Variants in VSNL1 observed in about 807,000 individuals in gnomAD.
The protein encoded by VSNL1 is visinin like 1.
Under a neutral mutation model 20.4 loss-of-function variants are expected in VSNL1, and 6 were observed. The observed-to-expected ratio is 0.29, with a 90% CI of 0.16 to 0.58. The LOEUF (loss-of-function observed/expected upper bound fraction) is 0.58. Among genes scored for constraint, VSNL1 ranks in the 20% least tolerant of loss-of-function variants. The pLI, the probability that VSNL1 is intolerant of heterozygous loss-of-function variation, is 0.90. For synonymous variants in VSNL1, 93 were observed against 86.4 expected, an observed-to-expected ratio of 1.08 and a Z score of -0.42; for missense variants, 100 against 234.5, an observed-to-expected ratio of 0.43 and a Z score of 3.75.
chr2:17,592,582 T>C (rs187058974), intron 2 of VSNL1, among the ~76,000 whole-genome samples: 4 of 150,538 alleles, frequency 2.7e-5, no homozygotes, highest in Non-Finnish European at 5.9e-5. Flanking sequence ...GTTAAAGGTA[T>C]ATGTACTTCT....
At position 17,606,309 on chromosome 2, in the gene VSNL1, G is replaced by A. The variant is rs148975198; in HGVS notation, c.162+14073G>A. ...ATGAAATGCAGAGAAGTGAAGAGTCGGGGGCTGGAGTCAGACAGAAATGAG... is the reference window on the plus strand; with the variant it reads ...ATGAAATGCAGAGAAGTGAAGAGTCAGGGGCTGGAGTCAGACAGAAATGAG... On this transcript the variant is annotated intron_variant, in intron 2 of 3. Coordinates refer to ENST00000295156, the MANE Select transcript of VSNL1 (RefSeq NM_003385.5). Among the ~76,000 whole-genome samples the A allele has an allele frequency of 3.1e-4, 28 of 90,510 alleles. 1 individual carries two copies. The South Asian group carries it at 0.014, about 46-fold the overall frequency. The allele number at this position is 90,510 out of a possible 152,430, so 59.4% of individuals were successfully genotyped here. A position where few individuals can be genotyped will look rare whatever the true frequency, so the allele number is the denominator to read the frequency against.
upstream of VSNL1, among the ~76,000 whole-genome samples, chr2:17,540,382 T>C (rs1331946454): frequency 2.6e-5 from 4 of 152,244 alleles, no homozygotes; most frequent in African/African-American, 7.2e-5. Flanking sequence ...CGAGTCCGGG[T>C]AACCCGCAGT....
chr2:17,637,999 G>A (rs1665793680), intron 2 of VSNL1, among the ~76,000 whole-genome samples: 1 of 152,170 alleles, frequency 6.6e-6, no homozygotes, highest in Non-Finnish European at 1.5e-5. Flanking sequence ...TTTGGAAGAG[G>A]TGCTGGCCCC....
intron 2 of VSNL1, among the ~76,000 whole-genome samples, chr2:17,647,322 T>C (rs1572222094): frequency 6.6e-6 from 1 of 152,032 alleles, no homozygotes; most frequent in African/African-American, 2.4e-5. Flanking sequence ...CAACTGCACA[T>C]AGAAATGCTG....
intron 2 of VSNL1, among the ~76,000 whole-genome samples, chr2:17,603,839 C>T (rs1467585180): frequency 6.6e-6 from 1 of 152,168 alleles, no homozygotes; most frequent in Non-Finnish European, 1.5e-5. Flanking sequence ...CATTTTTCCT[C>T]ATAAATGTCC....
intron 1 of VSNL1, among the ~76,000 whole-genome samples, chr2:17,556,862 C>T (rs919926435): frequency 2.0e-5 from 3 of 152,098 alleles, no homozygotes; most frequent in East Asian, 1.9e-4. Context: ...AATTTCTGGC[C>T]AAAGGAGAAA....
At chr2:17,562,422 G>T (rs1417442131) in intron 1 of VSNL1, among the ~76,000 whole-genome samples, 1 of 152,042 alleles carries the variant, frequency 6.6e-6, no homozygotes, top group Non-Finnish European at 1.5e-5. Context: ...TGAACATTTT[G>T]TTTGAAATAA....
chr2:17,563,504 A>G (rs1410553828), intron 1 of VSNL1, among the ~76,000 whole-genome samples: 2 of 152,186 alleles, frequency 1.3e-5, no homozygotes, highest in Non-Finnish European at 2.9e-5. Context: ...TTAAGTAAAT[A>G]GGTAATTGCT....
At chr2:17,609,113 G>A (rs895687439) in intron 2 of VSNL1, among the ~76,000 whole-genome samples, 1 of 152,156 alleles carries the variant, frequency 6.6e-6, no homozygotes, top group Non-Finnish European at 1.5e-5. Context: ...TTTCTCATGG[G>A]GAAAGTCCAA....
At chr2:17,631,379 A>G (rs1401217333) in intron 2 of VSNL1, among the ~76,000 whole-genome samples, 1 of 152,230 alleles carries the variant, frequency 6.6e-6, no homozygotes, top group African/African-American at 2.4e-5. Context: ...AAAGGATATA[A>G]AAAAGATAGT....
chr2:17,542,283 GC>G (rs1291802025), intron 1 of VSNL1, among the ~76,000 whole-genome samples: 28 of 152,232 alleles, frequency 1.8e-4, no homozygotes, highest in Non-Finnish European at 4.4e-5. Context: ...CTCTCATTAA[GC>G]CTTGGGTATT....
chr2:17,602,506 G>T (rs568378119), intron 2 of VSNL1, among the ~76,000 whole-genome samples: 5 of 152,328 alleles, frequency 3.3e-5, no homozygotes, highest in Admixed American at 2.6e-4. Context: ...ACTTTGGGAT[G>T]CCGAGGCGGG....
chr2:17,634,782 A>T lies in VSNL1; in HGVS notation c.163-14628A>T, dbSNP rs956821874. ...TCCCATAGTCACACAGTTCCATCCC[A>T]CCCACTTCGTGCTCTGGTGCTGCTT... On this transcript the variant is annotated intron_variant, in intron 2 of 3. Transcript: ENST00000295156. The surrounding 1 kb of genome is among the most constrained non-coding windows in gnomAD (Gnocchi z 4.3). Among the ~76,000 whole-genome samples the T allele has an allele frequency of 6.6e-6, 1 of 151,922 alleles. No individual in the cohort carries two copies. Among genetic ancestry groups the T allele is most frequent in the African/African-American group, 2.4e-5 (1 of 41,348 alleles).
chr2:17,650,140 C>G (rs533694898), intron 3 of VSNL1, among the ~76,000 whole-genome samples: 1 of 152,140 alleles, frequency 6.6e-6, no homozygotes, highest in Admixed American at 6.5e-5. Context: ...TTCTAATGCC[C>G]GGTTCCACTT....
intron 2 of VSNL1, among the ~76,000 whole-genome samples, chr2:17,600,952 CCAGCATTAGAGA>C (rs1664807598): frequency 6.6e-6 from 1 of 152,168 alleles, no homozygotes; most frequent in Non-Finnish European, 1.5e-5. Flanking sequence ...TAGCTAGCTA[CCAGCATTAGAGA>C]CAGCAATTAC....
At position 17,584,350 on chromosome 2, in the gene VSNL1, G is replaced by A. The variant is rs188503969; in HGVS notation, c.-5-7720G>A. Among the ~76,000 whole-genome samples the A allele has an allele frequency of 2.2e-4, 33 of 152,218 alleles. 1 individual carries two copies. Among genetic ancestry groups the A allele is most frequent in the Non-Finnish European group, 3.7e-4 (25 of 68,006 alleles). On this transcript the variant is annotated intron_variant, in intron 1 of 3. Coordinates refer to ENST00000295156, the MANE Select transcript of VSNL1 (RefSeq NM_003385.5). ...CTTGGGTCTAAGTCATGTTTCCCAG[G>A]CACTCAGGAAATGTTCTTTGTGCCT...
At chr2:17,548,195 C>T (rs1428946773) in intron 1 of VSNL1, among the ~76,000 whole-genome samples, 1 of 151,856 alleles carries the variant, frequency 6.6e-6, no homozygotes. Flanking sequence ...TGTTTCTAGC[C>T]CCTCTCCACA....
intron 1 of VSNL1, among the ~76,000 whole-genome samples, chr2:17,557,514 A>C (rs896166607): frequency 7.2e-5 from 11 of 152,200 alleles, no homozygotes; most frequent in Non-Finnish European, 1.6e-4. Flanking sequence ...TGCTGTAAGA[A>C]AGTGTAACAA....
chr2:17,617,948 A>G (rs368360589), intron 2 of VSNL1, among the ~76,000 whole-genome samples: 1 of 152,082 alleles, frequency 6.6e-6, no homozygotes, highest in East Asian at 1.9e-4. Flanking sequence ...TCTCCAGGGA[A>G]GAATAGGTGT....
Sources: allele counts gnomAD v4.1 joint callset (sites outside exome capture counted in the v4.1 genomes callset), GRCh38; gene constraint gnomAD v4.1.1; non-coding constraint Gnocchi (gnomAD v3.1); transcripts MANE v1.5; gene names NCBI Gene and HGNC (gene_info 2026-07-23, HGNC 2026-07-21).